Variants in PCGF5 observed in about 807,000 individuals in gnomAD.
The protein encoded by PCGF5 is polycomb group ring finger 5.
A neutral mutation model predicts 44.3 loss-of-function variants in PCGF5; 9 were observed. The ratio of observed to expected loss-of-function variants is 0.20; its 90% CI spans 0.12 to 0.35. The LOEUF is 0.35. PCGF5 is among the 10% of genes least tolerant of loss of function. The pLI is 1.00. For synonymous variants in PCGF5, 95 were observed against 102.5 expected, an observed-to-expected ratio of 0.93 and a Z score of 0.44; for missense variants, 146 against 305.3, an observed-to-expected ratio of 0.48 and a Z score of 3.89.
At chr10:91,227,973 T>C in intron 2 of PCGF5, 2 of 942,590 alleles carry the variant, frequency 2.1e-6, no homozygotes, top group African/African-American at 1.8e-5. Context: ...TTATTGTGTA[T>C]TTTTCCTTTC....
intron 6 of PCGF5, among the ~76,000 whole-genome samples, chr10:91,260,974 TAAA>T (rs1438643109): frequency 1.3e-5 from 2 of 149,274 alleles, no homozygotes; most frequent in Non-Finnish European, 3.0e-5. Context: ...ATAATAATAA[TAAA>T]AGCTTAAATA....
At chr10:91,207,012 C>G (rs1844359711) in intron 1 of PCGF5, among the ~76,000 whole-genome samples, 1 of 152,148 alleles carries the variant, frequency 6.6e-6, no homozygotes, top group Non-Finnish European at 1.5e-5. Flanking sequence ...GATGCAAGGT[C>G]CGTGAGAACA....
chr10:91,165,590 T>C lies in PCGF5; in HGVS notation c.-184+2509T>C, dbSNP rs111517172. 1.0e-3 allele frequency among the ~76,000 whole-genome samples: 157 copies of C among 152,322 alleles called. 1 individual carries two copies. Among genetic ancestry groups the C allele is most frequent in the African/African-American group, 3.5e-3 (147 of 41,570 alleles). Reference sequence around the variant, plus strand: ...ATAGCCTCAACCTCCCAGGCTCAAGTGATCCAATATGAAGTATTAATTTAA... The same window carrying C: ...ATAGCCTCAACCTCCCAGGCTCAAGCGATCCAATATGAAGTATTAATTTAA... On this transcript the variant is annotated intron_variant, in intron 1 of 9. Coordinates refer to the PCGF5 transcript ENST00000614189.
chr10:91,246,004 A>G (rs1845453072), intron 3 of PCGF5, among the ~76,000 whole-genome samples: 1 of 152,122 alleles, frequency 6.6e-6, no homozygotes, highest in Non-Finnish European at 1.5e-5. Context: ...TGCAGAGTTG[A>G]TGGAAAGTTG....
intron 1 of PCGF5, among the ~76,000 whole-genome samples, chr10:91,205,815 C>A (rs1210236119): frequency 6.6e-6 from 1 of 152,064 alleles, no homozygotes; most frequent in Non-Finnish European, 1.5e-5. Flanking sequence ...CATGGCAAAA[C>A]CCTATCTCTG....
chr10:91,185,954 T>G (rs1459577978), intron 1 of PCGF5, among the ~76,000 whole-genome samples: 1 of 152,122 alleles, frequency 6.6e-6, no homozygotes, highest in African/African-American at 2.4e-5. Flanking sequence ...AGTGCTGTAT[T>G]TACTCGCCCC....
intron 6 of PCGF5, among the ~76,000 whole-genome samples, chr10:91,255,907 T>G (rs186847814): frequency 1.3e-3 from 202 of 152,208 alleles, no homozygotes; most frequent in African/African-American, 4.6e-3. Context: ...GCTATATACT[T>G]TAAATCATCT....
At chr10:91,260,105 C>A (rs918240869) in intron 6 of PCGF5, among the ~76,000 whole-genome samples, 6 of 125,838 alleles carry the variant, frequency 4.8e-5, no homozygotes, top group African/African-American at 2.4e-4. Flanking sequence ...CAATGAACTC[C>A]AACAAATTTA....
intron 2 of PCGF5, among the ~76,000 whole-genome samples, chr10:91,230,388 CAAA>C (rs1844970216): frequency 6.6e-6 from 1 of 152,042 alleles, no homozygotes; most frequent in Non-Finnish European, 1.5e-5. Context: ...GTAAAAAAGA[CAAA>C]AGATAATTTT....
At chr10:91,212,965 C>G (rs60974693) in intron 1 of PCGF5, among the ~76,000 whole-genome samples, 3,245 of 152,176 alleles carry the variant, frequency 0.021, 113 homozygotes, top group African/African-American at 0.071. Flanking sequence ...TGAAGAAATA[C>G]CATCTTCAAA....
chr10:91,187,366 G>C (rs1032170412), intron 1 of PCGF5, among the ~76,000 whole-genome samples: 2 of 151,972 alleles, frequency 1.3e-5, no homozygotes, highest in African/African-American at 4.8e-5. Flanking sequence ...TAGTGATCTG[G>C]CAGGCACCTT....
intron 1 of PCGF5, among the ~76,000 whole-genome samples, chr10:91,180,598 G>A (rs1033458073): frequency 1.3e-5 from 2 of 151,732 alleles, no homozygotes; most frequent in African/African-American, 2.4e-5. Context: ...TGCTATTTAT[G>A]AATAGGGAAT....
chr10:91,189,608 T>C (rs2133209674), intron 1 of PCGF5, among the ~76,000 whole-genome samples: 1 of 152,336 alleles, frequency 6.6e-6, no homozygotes, highest in Non-Finnish European at 1.5e-5. Flanking sequence ...CATATATACA[T>C]ACATATCTAC....
rs1442205586 is a variant in PCGF5 at position 91,284,168 on chromosome 10, CTAGA to C, written c.*5855_*5858del. On this transcript the variant is annotated 3_prime_UTR_variant, in exon 10 of 10. Coordinates refer to ENST00000336126, the MANE Select transcript of PCGF5 (RefSeq NM_032373.5). ...AAAGCTGTATAATTGTACTGTTGGG[CTAGA>C]TACTTTTTTTTTTTAATCTGGACTT... The C allele has an allele frequency of 6.6e-6, 1 of 151,424 alleles. No individual in the cohort carries two copies. Among genetic ancestry groups the C allele is most frequent in the Non-Finnish European group, 1.5e-5 (1 of 67,778 alleles). 9.4% of individuals were successfully genotyped at this position (151,424 alleles called of 1,614,324 possible). A position where few individuals can be genotyped will look rare whatever the true frequency, so the allele number is the denominator to read the frequency against.
At chr10:91,260,987 A>AATAAAAAATATATAT (rs1554851354) in intron 6 of PCGF5, among the ~76,000 whole-genome samples, 2 of 151,782 alleles carry the variant, frequency 1.3e-5, no homozygotes, top group African/African-American at 4.8e-5. Context: ...AAGCTTAAAT[A>AATAAAAAATATATAT]ATAAAAAATA....
chr10:91,210,297 G>A (rs891689817), intron 1 of PCGF5, among the ~76,000 whole-genome samples: 2 of 152,274 alleles, frequency 1.3e-5, no homozygotes, highest in East Asian at 1.9e-4. Context: ...TTCATTGAAC[G>A]ATGTGGAGTT....
At chr10:91,199,445 C>A (rs893470328) in intron 1 of PCGF5, among the ~76,000 whole-genome samples, 2 of 152,214 alleles carry the variant, frequency 1.3e-5, no homozygotes, top group East Asian at 3.9e-4. Context: ...ATCCCTCAGT[C>A]CTTGCATCCT....
At chr10:91,276,478 T>G (rs7896934) in intron 9 of PCGF5, among the ~76,000 whole-genome samples, 18,719 of 152,202 alleles carry the variant, frequency 0.12, 2,097 homozygotes, top group African/African-American at 0.29. Context: ...TGGTGCCATT[T>G]TATTTCAGAA....
At chr10:91,264,647 G>A (rs1846003415) in intron 8 of PCGF5, 127 bp downstream of exon 8, 3 of 671,480 alleles carry the variant, frequency 4.5e-6, no homozygotes, top group Admixed American at 5.9e-5. Flanking sequence ...GGTTTTTCTT[G>A]CTACTGTTTC....
Sources: allele counts gnomAD v4.1 joint callset (sites outside exome capture counted in the v4.1 genomes callset), GRCh38; gene constraint gnomAD v4.1.1; transcripts MANE v1.5; gene names NCBI Gene and HGNC (gene_info 2026-07-23, HGNC 2026-07-21).